The following RBFOX1 variants were observed in gnomAD, a reference collection of about 807,000 sequenced individuals.
RBFOX1 encodes the protein RNA binding fox-1 homolog 1.
In RBFOX1, 8 loss-of-function variants were observed where a neutral mutation model predicts 57.7. That is an observed-to-expected ratio of 0.14 (90% confidence interval 0.08 to 0.25). The LOEUF (loss-of-function observed/expected upper bound fraction) is 0.25. Among genes scored for constraint, RBFOX1 ranks in the 10% least tolerant of loss-of-function variants. The pLI is 1.00. For synonymous variants in RBFOX1, 326 were observed against 222.4 expected (o/e 1.47, Z -4.15); for missense variants, 611 against 548.5 (o/e 1.11, Z -1.14).
intron 3 of RBFOX1, among the ~76,000 whole-genome samples, chr16:7,044,148 G>T (rs1442506959): frequency 6.6e-6 from 1 of 152,052 alleles, no homozygotes; most frequent in Non-Finnish European, 1.5e-5. Context: ...CATCCAGAAG[G>T]TGCTTGAGAT....
intron 7 of RBFOX1, among the ~76,000 whole-genome samples, chr16:7,590,932 C>T (rs2094413802): frequency 6.6e-6 from 1 of 150,496 alleles, no homozygotes; most frequent in Non-Finnish European, 1.5e-5. Context: ...GTATTTGCTG[C>T]ATTTCATGAG....
chr16:7,694,310 C>T (rs1360232939), intron 14 of RBFOX1, among the ~76,000 whole-genome samples: 1 of 152,126 alleles, frequency 6.6e-6, no homozygotes, highest in Admixed American at 6.6e-5. Flanking sequence ...CATCTGTTAC[C>T]TTTTATCAAT....
intron 2 of RBFOX1, among the ~76,000 whole-genome samples, chr16:6,581,505 T>A (rs1276885614): frequency 6.6e-6 from 1 of 152,176 alleles, no homozygotes; most frequent in Non-Finnish European, 1.5e-5. Flanking sequence ...TACCCTGGGC[T>A]CTGATGGTCT....
intron 2 of RBFOX1, among the ~76,000 whole-genome samples, chr16:5,582,871 T>C (rs935768560): frequency 6.6e-6 from 1 of 152,200 alleles, no homozygotes; most frequent in Non-Finnish European, 1.5e-5. Context: ...CTCATTCAAC[T>C]GTGTATCCTT....
intron 2 of RBFOX1, among the ~76,000 whole-genome samples, chr16:6,399,328 T>C (rs972886473): frequency 9.2e-5 from 14 of 152,224 alleles, no homozygotes; most frequent in African/African-American, 3.4e-4. Context: ...GTCTTGGTAA[T>C]TGACATTCAG....
chr16:7,532,846 T>C (rs2080461426), intron 5 of RBFOX1, among the ~76,000 whole-genome samples: 1 of 152,242 alleles, frequency 6.6e-6, no homozygotes, highest in Non-Finnish European at 1.5e-5. Flanking sequence ...TTATGCTTAT[T>C]GTTTGACCCT....
At chr16:7,364,069 C>G (rs1400949785) in intron 4 of RBFOX1, among the ~76,000 whole-genome samples, 1 of 152,160 alleles carries the variant, frequency 6.6e-6, no homozygotes, top group African/African-American at 2.4e-5. Context: ...ACTCCCAAGT[C>G]CTATTAAAGC....
intron 1 of RBFOX1, among the ~76,000 whole-genome samples, chr16:5,273,193 T>G (rs563122508): frequency 7.2e-5 from 11 of 151,880 alleles, no homozygotes; most frequent in Non-Finnish European, 1.3e-4. Flanking sequence ...GTGCCTTGTG[T>G]GTTTAGAGCT....
chr16:6,211,469 C>T (rs1598401905), intron 1 of RBFOX1, among the ~76,000 whole-genome samples: 2 of 152,120 alleles, frequency 1.3e-5, no homozygotes, highest in Non-Finnish European at 2.9e-5. Flanking sequence ...ACCACGTGAT[C>T]CACCCGCCTC....
chr16:7,009,340 G>T (rs2153652665), intron 3 of RBFOX1, among the ~76,000 whole-genome samples: 1 of 147,820 alleles, frequency 6.8e-6, no homozygotes, highest in Admixed American at 6.8e-5. Flanking sequence ...ATAATTTGAA[G>T]ACCCTGCGCC....
rs535943552 is a variant in RBFOX1, at chr16:6,456,976, A to T, written c.-64+139919A>T. ...CTGAGATGTTTGGAAGACACTTAGGAGAAGATAGATGTTAAGTAGGCAGCT... is the reference window on the plus strand; with the variant it reads ...CTGAGATGTTTGGAAGACACTTAGGTGAAGATAGATGTTAAGTAGGCAGCT... On this transcript the variant is annotated intron_variant, in intron 2 of 15. Transcript: ENST00000550418. Among the ~76,000 whole-genome samples the T allele has an allele frequency of 1.4e-4, 22 of 152,250 alleles. 1 individual carries two copies. In the South Asian group the frequency reaches 4.4e-3, roughly 30 times the overall value.
At chr16:6,930,824 C>G (rs1007429837) in intron 3 of RBFOX1, among the ~76,000 whole-genome samples, 1 of 152,122 alleles carries the variant, frequency 6.6e-6, no homozygotes, top group African/African-American at 2.4e-5. Flanking sequence ...GAGCAAATGT[C>G]ATCTTGTAAG....
At chr16:7,685,376 ATTAAT>A (rs1302628908) in intron 14 of RBFOX1, among the ~76,000 whole-genome samples, 7 of 152,138 alleles carry the variant, frequency 4.6e-5, no homozygotes, top group Admixed American at 1.3e-4. Context: ...CAGGGCCACA[ATTAAT>A]TCTTTACCCC....
intron 4 of RBFOX1, among the ~76,000 whole-genome samples, chr16:7,354,618 G>A (rs771709924): frequency 1.2e-4 from 18 of 152,126 alleles, no homozygotes; most frequent in East Asian, 1.9e-4. Flanking sequence ...CACTATTACC[G>A]TGCCCAATTT....
At chr16:6,264,427 C>T (rs1254295631) in intron 1 of RBFOX1, among the ~76,000 whole-genome samples, 1 of 152,130 alleles carries the variant, frequency 6.6e-6, no homozygotes, top group African/African-American at 2.4e-5. Flanking sequence ...TTGTTGGAAA[C>T]CCGTCAAATA....
intron 3 of RBFOX1, among the ~76,000 whole-genome samples, chr16:6,858,168 G>T (rs1603633112): frequency 6.6e-6 from 1 of 152,190 alleles, no homozygotes; most frequent in African/African-American, 2.4e-5. Flanking sequence ...TTTGAAGGAA[G>T]AAATAGCTCA....
At chr16:7,630,769 C>T (rs2060820322) in intron 11 of RBFOX1, 86 bp downstream of exon 11, 1 of 1,563,630 alleles carries the variant, frequency 6.4e-7, no homozygotes, top group Non-Finnish European at 8.7e-7. Flanking sequence ...CTCTCCCCCT[C>T]CCTCTGCCCC....
chr16:5,677,405 T>G lies in RBFOX1; in HGVS notation c.318+78444T>G, dbSNP rs9930196. Among the ~76,000 whole-genome samples the G allele has an allele frequency of 8.3e-3, 1,267 of 152,288 alleles. 14 individuals are homozygous for G. The highest frequency in any genetic ancestry group is 0.029 in the African/African-American group (1,204 of 41,562). ...CAAAGAATTCTTAGGGGAAAATGAATGCACTTTCTATGGGTCCCTGTTTAC... is the reference window on the plus strand; with the variant it reads ...CAAAGAATTCTTAGGGGAAAATGAAGGCACTTTCTATGGGTCCCTGTTTAC... On this transcript the variant is annotated intron_variant, in intron 3 of 19. Transcript: ENST00000641259.
intron 2 of RBFOX1, among the ~76,000 whole-genome samples, chr16:6,600,238 C>G (rs1004569595): frequency 1.3e-5 from 2 of 152,140 alleles, no homozygotes; most frequent in Non-Finnish European, 2.9e-5. Flanking sequence ...AACACGAAAT[C>G]CACCAGACAG....
Sources: allele counts gnomAD v4.1 joint callset (sites outside exome capture counted in the v4.1 genomes callset), GRCh38; gene constraint gnomAD v4.1.1; transcripts MANE v1.5; gene names NCBI Gene and HGNC (gene_info 2026-07-23, HGNC 2026-07-21).